ACOT12: variants seen among roughly 807,000 people sequenced by gnomAD.
ACOT12 encodes the protein acyl-CoA thioesterase 12.
A neutral mutation model predicts 67.7 loss-of-function variants in ACOT12; 51 were observed. The ratio of observed to expected loss-of-function variants is 0.75; its 90% CI spans 0.60 to 0.95. ACOT12 has a LOEUF of 0.95. Among genes scored for constraint, ACOT12 ranks in the 40% least tolerant of loss-of-function variants. The probability of loss-of-function intolerance (pLI) is 0.00; values close to 1 mark genes in which losing one functional copy is unlikely to be tolerated. For missense variants in ACOT12, 734 were observed against 708.1 expected, an observed-to-expected ratio of 1.04 and a Z score of -0.41; for synonymous variants, 251 against 244.6, an observed-to-expected ratio of 1.03 and a Z score of -0.24.
chr5:81,340,793 C>A (rs1759171477), intron 11 of ACOT12, among the ~76,000 whole-genome samples: 1 of 152,162 alleles, frequency 6.6e-6, no homozygotes, highest in African/African-American at 2.4e-5. Context: ...AGGAGGAAAA[C>A]TCTTCAAAAA....
At chr5:81,345,751 C>T in intron 7 of ACOT12, 134 bp downstream of exon 7, 1 of 1,196,254 alleles carries the variant, frequency 8.4e-7, no homozygotes, top group Non-Finnish European at 1.2e-6. Context: ...AAAATATGTT[C>T]ATGGATTTTG....
intron 1 of ACOT12, among the ~76,000 whole-genome samples, chr5:81,392,090 G>A (rs886294788): frequency 3.9e-5 from 6 of 152,178 alleles, no homozygotes; most frequent in Non-Finnish European, 8.8e-5. Flanking sequence ...ACAGAAGTAA[G>A]GATAGTGAGA....
intron 9 of ACOT12, 38 bp downstream of exon 9, chr5:81,344,122 G>A (rs781689973): frequency 1.2e-5 from 19 of 1,597,736 alleles, no homozygotes; most frequent in Admixed American, 3.5e-5. Flanking sequence ...TCAGATTAAC[G>A]AAGACTCCAT....
At chr5:81,345,827 A>C in intron 7 of ACOT12, 58 bp downstream of exon 7, 1 of 1,603,990 alleles carries the variant, frequency 6.2e-7, no homozygotes, top group Non-Finnish European at 8.5e-7. Flanking sequence ...GGCTGAAATT[A>C]AAAATTACAT....
intron 5 of ACOT12, among the ~76,000 whole-genome samples, chr5:81,353,527 C>T (rs943416944): frequency 6.6e-6 from 1 of 152,060 alleles, no homozygotes; most frequent in Non-Finnish European, 1.5e-5. Context: ...CCCTAGTTTT[C>T]TTTCTGCATA....
intron 6 of ACOT12, among the ~76,000 whole-genome samples, chr5:81,346,223 A>G (rs962328092): frequency 8.5e-5 from 13 of 152,054 alleles, no homozygotes; most frequent in African/African-American, 1.9e-4. Context: ...TGATGCTTCT[A>G]CTCCTTTGGT....
At chr5:81,315,231 G>A in the ACOT12 span, among the ~76,000 whole-genome samples, 1 of 152,020 alleles carries the variant, frequency 6.6e-6, no homozygotes, top group Non-Finnish European at 1.5e-5. Context: ...TTACCTTTTT[G>A]TCTCTTTTTT....
chr5:81,326,067 A>G (rs1386906311), downstream of ACOT12, among the ~76,000 whole-genome samples: 1 of 151,706 alleles, frequency 6.6e-6, no homozygotes, highest in Non-Finnish European at 1.5e-5. Flanking sequence ...TCAGCCTTCA[A>G]AAGTGCTGGG....
At chr5:81,315,992 G>C in the ACOT12 span, among the ~76,000 whole-genome samples, 2 of 152,108 alleles carry the variant, frequency 1.3e-5, no homozygotes, top group Non-Finnish European at 2.9e-5. Context: ...ATTCTTGTCT[G>C]TTCACTGATA....
the ACOT12 span, among the ~76,000 whole-genome samples, chr5:81,322,241 A>C: frequency 1.3e-5 from 2 of 152,224 alleles, no homozygotes; most frequent in African/African-American, 4.8e-5. Context: ...TGTATTGCAG[A>C]ACCATAAAAT....
intron 10 of ACOT12, 142 bp from the exon 11 acceptor site, chr5:81,342,897 A>C: frequency 2.3e-6 from 2 of 861,166 alleles, no homozygotes; most frequent in Non-Finnish European, 3.6e-6. Context: ...GAACTAAACT[A>C]CAGGCCAGGT....
intron 11 of ACOT12, among the ~76,000 whole-genome samples, chr5:81,338,077 C>T (rs1401023442): frequency 6.6e-6 from 1 of 152,138 alleles, no homozygotes; most frequent in Non-Finnish European, 1.5e-5. Context: ...GATATTGATG[C>T]AAACAAAGCA....
At chr5:81,363,716 A>T (rs1759987352) in intron 4 of ACOT12, 72 bp downstream of exon 4, 5 of 1,137,512 alleles carry the variant, frequency 4.4e-6, no homozygotes, top group Admixed American at 5.1e-5. Flanking sequence ...ATTTTTTTCT[A>T]TAACATTCTG....
At chr5:81,314,724 A>G in the ACOT12 span, among the ~76,000 whole-genome samples, 1 of 152,226 alleles carries the variant, frequency 6.6e-6, no homozygotes, top group Non-Finnish European at 1.5e-5. Context: ...ATGCATTATA[A>G]TGGGGCTGAA....
chr5:81,392,460 G>A (rs1404045184), intron 1 of ACOT12, among the ~76,000 whole-genome samples: 1 of 152,070 alleles, frequency 6.6e-6, no homozygotes, highest in Non-Finnish European at 1.5e-5. Flanking sequence ...AACTATTAAG[G>A]TATAGAGTAA....
intron 11 of ACOT12, among the ~76,000 whole-genome samples, chr5:81,336,593 G>A (rs1158292307): frequency 6.6e-6 from 1 of 152,164 alleles, no homozygotes; most frequent in East Asian, 1.9e-4. Flanking sequence ...TGCATCCCTT[G>A]CTACTCTGAG....
At chr5:81,385,294 AT>A (rs1451703834) in intron 2 of ACOT12, among the ~76,000 whole-genome samples, 1 of 152,000 alleles carries the variant, frequency 6.6e-6, no homozygotes, top group African/African-American at 2.4e-5. Context: ...AAATAAATAA[AT>A]AAATAAATAC....
chr5:81,340,507 G>A lies in ACOT12; in HGVS notation c.1128+2165C>T, dbSNP rs115740919. 6.9e-3 allele frequency among the ~76,000 whole-genome samples: 1,048 copies of A among 152,090 alleles called. 8 individuals are homozygous for A. The highest frequency in any genetic ancestry group is 0.024 in the African/African-American group (996 of 41,490). On this transcript the variant is annotated intron_variant, in intron 11 of 14. Transcript: ENST00000307624. ...CTCCCAAATAGCTGGGATTACAGGC[G>A]CCTGCCACTGCCCCTGTCTAATTTT...
At chr5:81,354,483 G>T (rs1266874472) in intron 5 of ACOT12, among the ~76,000 whole-genome samples, 1 of 152,110 alleles carries the variant, frequency 6.6e-6, no homozygotes, top group Non-Finnish European at 1.5e-5. Context: ...CCTGGCTCTT[G>T]TTACCTTGAG....
Sources: allele counts gnomAD v4.1 joint callset (sites outside exome capture counted in the v4.1 genomes callset), GRCh38; gene constraint gnomAD v4.1.1; transcripts MANE v1.5; gene names NCBI Gene and HGNC (gene_info 2026-07-23, HGNC 2026-07-21).